The following NALF2 variants were observed in gnomAD, a reference collection of about 807,000 sequenced individuals.
The protein encoded by NALF2 is NALCN channel auxiliary factor 2, also known as bB57D9.1 (TED protein).
A neutral mutation model predicts 24.8 loss-of-function variants in NALF2; 1 was observed. That is an observed-to-expected ratio of 0.04 (90% confidence interval 0.01 to 0.19). The LOEUF (loss-of-function observed/expected upper bound fraction) is 0.19, where lower values mean the gene tolerates loss of function less well. NALF2 is among the 10% of genes least tolerant of loss of function. NALF2 has a pLI of 1.00. For synonymous variants in NALF2, 254 were observed against 189.8 expected (o/e 1.34, Z -2.78); for missense variants, 458 against 409.6 (o/e 1.12, Z -1.02).
At position 69,506,016 on chromosome X, in the gene NALF2, A is replaced by G. The variant is rs769444908; in HGVS notation, c.734A>G (p.Asn245Ser). Residue 245 changes from asparagine to serine, a missense_variant, in exon 1 of 3, where the codon AAC (asparagine) becomes AGC (serine). Physicochemically the swap from Asn to Ser is conservative, Grantham distance 46. Coordinates refer to ENST00000252338, the MANE Select transcript of NALF2 (RefSeq NM_015686.3). The stretch of plus-strand genomic sequence containing the variant: ...TCCGGGGCCTGGGAGGCGTGTAGCA[A>G]CTGTATCGAGGCGTACCAGCGGCTG... ...PGSGAWEACS[N>S]CIEAYQRLDR... is the part of the protein sequence containing the mutation. 2 of 1,210,981 alleles carry G rather than the reference A, an allele frequency of 1.7e-6. No homozygotes were observed. The highest frequency in any genetic ancestry group is 1.8e-5 in the South Asian group (1 of 56,866).
intron 1 of NALF2, among the ~76,000 whole-genome samples, chrX:69,517,865 G>A (rs1930684484): frequency 8.9e-6 from 1 of 112,773 alleles, no homozygotes; most frequent in African/African-American, 3.2e-5. Flanking sequence ...CATCTTTCTG[G>A]CAAGGCACAG....
At chrX:69,527,006 G>T (rs1930818135) in intron 1 of NALF2, among the ~76,000 whole-genome samples, 1 of 112,066 alleles carries the variant, frequency 8.9e-6, no homozygotes, top group Admixed American at 9.4e-5. Flanking sequence ...GTGGACAGTG[G>T]ATTGGAAAGA....
Position 69,505,837 on chromosome X carries a change from C to T in NALF2, c.555C>T (p.Asn185=). The change falls in exon 1 of 3, where the codon AAC becomes AAT. Residue 185 remains asparagine (N), a synonymous_variant. Transcript: ENST00000252338. The part of the protein sequence containing the change: ...APAEFPSAKK[N]LLKGHFRNFT... ...CCGAGTTCCCCTCCGCCAAAAAAAA[C>T]TTGCTCAAAGGCCACTTTCGGAACT... 5 of 1,211,179 alleles carry T rather than the reference C, an allele frequency of 4.1e-6. No homozygotes were observed. Among genetic ancestry groups the T allele is most frequent in the Non-Finnish European group, 5.6e-6 (5 of 895,038 alleles).
intron 1 of NALF2, among the ~76,000 whole-genome samples, chrX:69,514,556 C>T (rs1418754208): frequency 9.0e-6 from 1 of 111,276 alleles, no homozygotes; most frequent in Non-Finnish European, 1.9e-5. Flanking sequence ...TGAGTCCCTG[C>T]TTTCATTTCT....
At chrX:69,509,165 G>A (rs756605534) in intron 1 of NALF2, among the ~76,000 whole-genome samples, 39 of 111,726 alleles carry the variant, frequency 3.5e-4, no homozygotes, top group Non-Finnish European at 6.2e-4. Flanking sequence ...AACTTAGGTA[G>A]GCCGATGCCC....
In NALF2 at chrX:69,505,136, G is replaced by A. The variant is rs563093780; in HGVS notation, c.-147G>A. 83 of 458,287 alleles carry A rather than the reference G, an allele frequency of 1.8e-4. 1 individual carries two copies. In the South Asian group the frequency reaches 5.1e-3, roughly 28 times the overall value. 37.8% of individuals were successfully genotyped at this position (458,287 alleles called of 1,213,427 possible). ...GCGACTCCGGCCTGAGCGGGGCATC[G>A]CGCCGGCCGGCCTGCCTCACCATGC... On this transcript the variant is annotated 5_prime_UTR_variant, in exon 1 of 3. Coordinates refer to ENST00000252338, the MANE Select transcript of NALF2 (RefSeq NM_015686.3).
chrX:69,505,576 G>A lies in NALF2; in HGVS notation c.294G>A (p.Pro98=), dbSNP rs779861018. The change falls in exon 1 of 3, where the codon CCG becomes CCA. Residue 98 remains proline (P), a synonymous_variant. Transcript: ENST00000252338. The part of the protein sequence containing the change: ...RQPVPPRAVL[P]LPPPPPGEPS... ...CGGTGCCTCCTCGCGCGGTGCTGCC[G>A]CTGCCGCCGCCGCCGCCCGGCGAGC... is the stretch of plus-strand genomic sequence containing the variant. 1 of 1,012,136 alleles carries A rather than the reference G, an allele frequency of 9.9e-7. No homozygotes were observed. The highest frequency in any genetic ancestry group is 2.0e-5 in the African/African-American group (1 of 48,954). The allele number at this position is 1,012,136 out of a possible 1,213,427, so 83.4% of individuals were successfully genotyped here.
At chrX:69,515,701 G>T (rs142612691) in intron 1 of NALF2, among the ~76,000 whole-genome samples, 87 of 112,003 alleles carry the variant, frequency 7.8e-4, no homozygotes, top group African/African-American at 2.7e-3. Context: ...TTACTGACTC[G>T]TACATGCTTT....
At chrX:69,515,690 C>T (rs1032460114) in intron 1 of NALF2, among the ~76,000 whole-genome samples, 13 of 112,286 alleles carry the variant, frequency 1.2e-4, no homozygotes, top group African/African-American at 4.2e-4. Context: ...TTGTGTTTTC[C>T]TTACTGACTC....
chrX:69,508,232 C>T (rs189266719), intron 1 of NALF2, among the ~76,000 whole-genome samples: 22 of 111,443 alleles, frequency 2.0e-4, no homozygotes, highest in Non-Finnish European at 2.8e-4. Flanking sequence ...AAGGTTTTTC[C>T]GCCCCTCTCG....
intron 1 of NALF2, among the ~76,000 whole-genome samples, chrX:69,510,445 C>T (rs1212387815): frequency 8.9e-6 from 1 of 112,558 alleles, no homozygotes; most frequent in Non-Finnish European, 1.9e-5. Context: ...TCCTTGCTAA[C>T]ACTGGGTATG....
chrX:69,521,119 CCATGGCCTTCCTCTGCAACCT>C (rs1930727298), intron 1 of NALF2, among the ~76,000 whole-genome samples: 1 of 111,924 alleles, frequency 8.9e-6, no homozygotes, highest in East Asian at 2.8e-4. Flanking sequence ...ATAACCATGG[CCATGGCCTTCCTCTGCAACCT>C]CATCTCCCAT....
intron 1 of NALF2, among the ~76,000 whole-genome samples, chrX:69,511,395 C>G (rs1355143358): frequency 9.0e-6 from 1 of 111,619 alleles, no homozygotes; most frequent in African/African-American, 3.3e-5. Flanking sequence ...TTCTGGTCCT[C>G]TCTTCCACCC....
At position 69,530,030 on chromosome X, in the gene NALF2, T is replaced by G. The variant is rs1337373147; in HGVS notation, c.*74T>G. ...TCCCCCAGGTTGGGGGGGAGGGGGCTCCTCCCATGGGAGGTGTAGGATAAG... is the reference window on the plus strand; with the variant it reads ...TCCCCCAGGTTGGGGGGGAGGGGGCGCCTCCCATGGGAGGTGTAGGATAAG... On this transcript the variant is annotated 3_prime_UTR_variant, in exon 3 of 3. Transcript: ENST00000252338. 5 of 673,560 alleles carry G rather than the reference T, an allele frequency of 7.4e-6. No homozygotes were observed. Among genetic ancestry groups the G allele is most frequent in the Non-Finnish European group, 8.2e-6 (4 of 488,021 alleles). 55.5% of individuals were successfully genotyped at this position (673,560 alleles called of 1,213,427 possible). A position where few individuals can be genotyped will look rare whatever the true frequency, so the allele number is the denominator to read the frequency against.
intron 1 of NALF2, among the ~76,000 whole-genome samples, chrX:69,526,406 T>C (rs1296508130): frequency 8.9e-6 from 1 of 111,958 alleles, no homozygotes; most frequent in Non-Finnish European, 1.9e-5. Context: ...TCATATGCCA[T>C]AGATTCAAAT....
Position 69,505,126 on chromosome X carries a change from G to A in NALF2, c.-157G>A. On this transcript the variant is annotated 5_prime_UTR_variant, in exon 1 of 3. Transcript: ENST00000252338. The stretch of plus-strand genomic sequence containing the variant: ...AGAGCGCCCCGCGACTCCGGCCTGA[G>A]CGGGGCATCGCGCCGGCCGGCCTGC... 2.5e-6 allele frequency: 1 copy of A among 401,595 alleles called. No individual in the cohort carries two copies. 33.1% of individuals were successfully genotyped at this position (401,595 alleles called of 1,213,427 possible). A position where few individuals can be genotyped will look rare whatever the true frequency, so the allele number is the denominator to read the frequency against.
rs1291003245 is a variant in NALF2 at position 69,504,805 on chromosome X, G to A, written c.-478G>A. 3.7e-5 allele frequency among the ~76,000 whole-genome samples: 4 copies of A among 109,095 alleles called. No homozygotes were observed. The highest frequency in any genetic ancestry group is 7.7e-5 in the Non-Finnish European group (4 of 51,775). 94.7% of individuals were successfully genotyped at this position (109,095 alleles called of 115,157 possible). A position where few individuals can be genotyped will look rare whatever the true frequency, so the allele number is the denominator to read the frequency against. On this transcript the variant is annotated 5_prime_UTR_variant, in exon 1 of 3. Transcript: ENST00000252338. ...AGCGGCGCGGGGCGAGGGGAGCGGA[G>A]CGGAGCGCGGCGGCGGGGCCCGCAC...
intron 1 of NALF2, among the ~76,000 whole-genome samples, chrX:69,508,994 C>G (rs1413248713): frequency 8.9e-6 from 1 of 112,583 alleles, no homozygotes; most frequent in Non-Finnish European, 1.9e-5. Flanking sequence ...CCCCAGAAAC[C>G]CTGTTCTCTG....
intron 1 of NALF2, among the ~76,000 whole-genome samples, chrX:69,518,088 C>T (rs937693446): frequency 2.7e-5 from 3 of 111,998 alleles, no homozygotes; most frequent in Admixed American, 9.4e-5. Flanking sequence ...CAGAAGCTCC[C>T]GAAGCTCCCA....
Sources: allele counts gnomAD v4.1 joint callset (sites outside exome capture counted in the v4.1 genomes callset), GRCh38; gene constraint gnomAD v4.1.1; transcripts MANE v1.5; gene names NCBI Gene and HGNC (gene_info 2026-07-23, HGNC 2026-07-21).